COX10: variants seen among roughly 807,000 people sequenced by gnomAD.
The protein encoded by COX10 is cytochrome c oxidase assembly factor heme A:farnesyltransferase COX10.
A neutral mutation model predicts 37.3 loss-of-function variants in COX10; 27 were observed. The ratio of observed to expected loss-of-function variants is 0.72; its 90% CI spans 0.53 to 1.00. COX10 has a LOEUF of 1.00. Among genes scored for constraint, COX10 ranks in the 50% least tolerant of loss-of-function variants. COX10 has a pLI of 0.00. For synonymous variants in COX10, 222 were observed against 229.1 expected (o/e 0.97, Z 0.28); for missense variants, 475 against 563.2 (o/e 0.84, Z 1.59).
At chr17:14,160,210 C>T (rs931632877) in intron 5 of COX10, among the ~76,000 whole-genome samples, 3 of 152,002 alleles carry the variant, frequency 2.0e-5, no homozygotes, top group African/African-American at 4.8e-5. Flanking sequence ...CACTTTGAAG[C>T]ATAGACTTTC....
At chr17:14,093,378 A>G (rs1915570672) in intron 3 of COX10, among the ~76,000 whole-genome samples, 1 of 152,198 alleles carries the variant, frequency 6.6e-6, no homozygotes, top group Non-Finnish European at 1.5e-5. Flanking sequence ...ATTTTAGAAA[A>G]TTGAGTACAG....
rs372584246 is a variant in COX10, at chr17:14,103,409, C to T, written c.624+1167C>T. Among the ~76,000 whole-genome samples, 4 of 152,088 alleles carry T rather than the reference C, an allele frequency of 2.6e-5. No homozygotes were observed. In the East Asian group the frequency reaches 5.8e-4, roughly 22 times the overall value. The stretch of plus-strand genomic sequence containing the variant: ...TCTATTTGGTTATACATCTGGGACC[C>T]GAGGTTAAGCCAGGAGCACATTCTA... On this transcript the variant is annotated intron_variant, in intron 4 of 6. Coordinates refer to ENST00000261643, the MANE Select transcript of COX10 (RefSeq NM_001303.4).
At chr17:14,179,950 A>G (rs1427685185) in intron 5 of COX10, among the ~76,000 whole-genome samples, 1 of 152,094 alleles carries the variant, frequency 6.6e-6, no homozygotes, top group Non-Finnish European at 1.5e-5. Flanking sequence ...AATGATGAAG[A>G]TGGAGTTTTA....
chr17:14,155,378 C>G (rs1905015470), intron 4 of COX10, among the ~76,000 whole-genome samples: 1 of 150,460 alleles, frequency 6.6e-6, no homozygotes, highest in Non-Finnish European at 1.5e-5. Context: ...GAATTGGAGC[C>G]CAGGAGAAAG....
intron 5 of COX10, among the ~76,000 whole-genome samples, chr17:14,171,119 G>A (rs1213194857): frequency 6.6e-6 from 1 of 152,074 alleles, no homozygotes; most frequent in Non-Finnish European, 1.5e-5. Flanking sequence ...GATTAAGTTG[G>A]TAGGCAAAAA....
rs531032276 is a variant in COX10 at position 14,177,349 on chromosome 17, G to A, written c.696-14640G>A. ...GAAAATACCAACTCCATGTGTCTGA[G>A]GTATCACTTATAGTTTAAAAAAAAT... On this transcript the variant is annotated intron_variant, in intron 5 of 6. Coordinates refer to ENST00000261643, the MANE Select transcript of COX10 (RefSeq NM_001303.4). The A allele has an allele frequency of 4.1e-5, 25 of 611,044 alleles. No homozygotes were observed. The African/African-American group carries it at 4.3e-4, about 11-fold the overall frequency. 37.9% of individuals were successfully genotyped at this position (611,044 alleles called of 1,614,324 possible).
chr17:14,111,353 G>A (rs1916003530), intron 4 of COX10, among the ~76,000 whole-genome samples: 1 of 152,136 alleles, frequency 6.6e-6, no homozygotes, highest in Admixed American at 6.6e-5. Flanking sequence ...AACGATCACA[G>A]GGGGAACAAA....
chr17:14,074,235 G>C, intron 1 of COX10, 88 bp from the exon 2 acceptor site: 15 of 1,451,248 alleles, frequency 1.0e-5, no homozygotes, highest in Non-Finnish European at 1.4e-5. Flanking sequence ...TACCTTAGTG[G>C]CTGGCTTTGC....
intron 6 of COX10, among the ~76,000 whole-genome samples, chr17:14,197,429 T>TA (rs1226395344): frequency 6.6e-6 from 1 of 152,042 alleles, no homozygotes; most frequent in Non-Finnish European, 1.5e-5. Flanking sequence ...GGGATTCTGA[T>TA]TTTTTTTCCC....
At chr17:14,133,856 A>C (rs865894537) in intron 4 of COX10, among the ~76,000 whole-genome samples, 23 of 151,770 alleles carry the variant, frequency 1.5e-4, no homozygotes, top group African/African-American at 5.3e-4. Context: ...AATTAGTGAG[A>C]TTTTAGTCAG....
At chr17:14,100,800 A>C (rs1915759864) in intron 3 of COX10, among the ~76,000 whole-genome samples, 1 of 148,056 alleles carries the variant, frequency 6.8e-6, no homozygotes, top group Admixed American at 6.8e-5. Context: ...GCAAGATGGA[A>C]GCAAGGAGAC....
At chr17:14,184,139 A>G (rs1368577829) in intron 5 of COX10, among the ~76,000 whole-genome samples, 1 of 152,220 alleles carries the variant, frequency 6.6e-6, no homozygotes, top group African/African-American at 2.4e-5. Flanking sequence ...ACGGCTAAAC[A>G]AGTAGAAACC....
intron 6 of COX10, among the ~76,000 whole-genome samples, chr17:14,205,748 G>C (rs954567349): frequency 2.6e-5 from 4 of 152,140 alleles, no homozygotes; most frequent in Non-Finnish European, 5.9e-5. Context: ...GTCTCTTTTT[G>C]GAGAACTTGG....
intron 3 of COX10, among the ~76,000 whole-genome samples, chr17:14,082,854 A>T (rs954830917): frequency 1.3e-5 from 2 of 152,186 alleles, no homozygotes; most frequent in Non-Finnish European, 2.9e-5. Flanking sequence ...GGACTCAGAG[A>T]TCTGCATGTT....
intron 6 of COX10, among the ~76,000 whole-genome samples, chr17:14,193,445 A>G (rs1397000042): frequency 2.6e-5 from 4 of 151,038 alleles, no homozygotes; most frequent in African/African-American, 7.3e-5. Context: ...GTCCTCCTTC[A>G]TACAGTGGAG....
rs758512571 is a variant in COX10, at chr17:14,076,840, G to A, written c.283G>A (p.Glu95Lys). 1 of 1,614,018 alleles carries A rather than the reference G, an allele frequency of 6.2e-7. No individual in the cohort carries two copies. Among genetic ancestry groups the A allele is most frequent in the African/African-American group, 1.3e-5 (1 of 74,922 alleles). The stretch of plus-strand genomic sequence containing the variant: ...AACATCTTCAGGTCAAGCCAAAGCA[G>A]AAATATATGAGATGAGACCTCTCTC... The part of the protein sequence containing the change: ...EKTSSGQAKA[E>K]IYEMRPLSPP... The change falls in exon 3 of 7, where the codon GAA (glutamate) becomes AAA (lysine). Residue 95 changes from glutamate to lysine, a missense_variant. By Grantham distance (56) the Glu-to-Lys change is moderately conservative. Coordinates refer to ENST00000261643, the MANE Select transcript of COX10 (RefSeq NM_001303.4).
At chr17:14,205,905 C>T (rs1218001651) in intron 6 of COX10, among the ~76,000 whole-genome samples, 4 of 152,116 alleles carry the variant, frequency 2.6e-5, no homozygotes, top group African/African-American at 7.2e-5. Flanking sequence ...CATGTGGGTG[C>T]TGGGGAGACT....
chr17:14,085,598 G>A (rs186752205), intron 3 of COX10, among the ~76,000 whole-genome samples: 5 of 152,062 alleles, frequency 3.3e-5, no homozygotes, highest in African/African-American at 1.2e-4. Flanking sequence ...TGGGTATATA[G>A]CATGCCATTG....
intron 4 of COX10, among the ~76,000 whole-genome samples, chr17:14,112,497 G>C (rs1410122306): frequency 6.6e-6 from 1 of 152,172 alleles, no homozygotes; most frequent in East Asian, 1.9e-4. Flanking sequence ...TTTTGCTGGA[G>C]ATAAAAAGAT....
Sources: allele counts gnomAD v4.1 joint callset (sites outside exome capture counted in the v4.1 genomes callset), GRCh38; gene constraint gnomAD v4.1.1; transcripts MANE v1.5; gene names NCBI Gene and HGNC (gene_info 2026-07-23, HGNC 2026-07-21).